The following KAT2B variants were observed in gnomAD, a reference collection of about 807,000 sequenced individuals.
KAT2B encodes the protein lysine acetyltransferase 2B, also known as histone acetyltransferase KAT2B.
Under a neutral mutation model 105.9 loss-of-function variants are expected in KAT2B, and 36 were observed. The observed-to-expected ratio is 0.34, with a 90% CI of 0.26 to 0.45. The LOEUF (loss-of-function observed/expected upper bound fraction) is 0.45. Ranked by LOEUF, KAT2B falls within the 20% of genes least tolerant of loss-of-function variation. The pLI is 1.00. For synonymous variants in KAT2B, 397 were observed against 377.9 expected (o/e 1.05, Z -0.59); for missense variants, 820 against 1,021.6 (o/e 0.80, Z 2.69).
intron 6 of KAT2B, among the ~76,000 whole-genome samples, chr3:20,112,085 C>T (rs1699131886): frequency 6.6e-6 from 1 of 151,950 alleles, no homozygotes; most frequent in Admixed American, 6.6e-5. Flanking sequence ...ATTCAGCGGC[C>T]AGGAAGCTCT....
At chr3:20,061,927 C>CATAATATATAAAATATGTATTATATATT (rs1559513815) in intron 1 of KAT2B, among the ~76,000 whole-genome samples, 1 of 96,130 alleles carries the variant, frequency 1.0e-5, no homozygotes, top group African/African-American at 4.0e-5. Context: ...TATTATATAT[C>CATAATATATAAAATATGTATTATATATT]ATATATAAAA....
chr3:20,154,157 T>A lies in KAT2B; in HGVS notation c.*1632T>A, dbSNP rs775264860. ...CAGCTGGTATCCTGTGAAAGTTTGT[T>A]ATTTTCTGAGTAGACATTCTTATAG... On this transcript the variant is annotated 3_prime_UTR_variant, in exon 18 of 18. Coordinates refer to ENST00000263754, the MANE Select transcript of KAT2B (RefSeq NM_003884.5). The A allele has an allele frequency of 3.9e-5, 6 of 152,636 alleles. No individual in the cohort carries two copies. The highest frequency in any genetic ancestry group is 7.3e-5 in the Non-Finnish European group (5 of 68,034). The allele number at this position is 152,636 out of a possible 1,614,324, so 9.5% of individuals were successfully genotyped here. A position where few individuals can be genotyped will look rare whatever the true frequency, so the allele number is the denominator to read the frequency against.
rs1699897330 is a variant in KAT2B, at chr3:20,153,145, C to CTA, written c.*620_*621insTA. On this transcript the variant is annotated 3_prime_UTR_variant, in exon 18 of 18. Coordinates refer to ENST00000263754, the MANE Select transcript of KAT2B (RefSeq NM_003884.5). Reference sequence around the variant, plus strand: ...CCTAAGGAAGAAATTCTAAATAATGCAAACTTTTAAAATAAGCATCTAGGT... The same window carrying CTA: ...CCTAAGGAAGAAATTCTAAATAATGCTAAAACTTTTAAAATAAGCATCTAGGT... The CTA allele has an allele frequency of 6.6e-6, 1 of 152,470 alleles. No individual in the cohort carries two copies. Among genetic ancestry groups the CTA allele is most frequent in the African/African-American group, 2.4e-5 (1 of 41,420 alleles). The allele number at this position is 152,470 out of a possible 1,614,324, so 9.4% of individuals were successfully genotyped here. A position where few individuals can be genotyped will look rare whatever the true frequency, so the allele number is the denominator to read the frequency against.
rs1468478421 is a variant in KAT2B at position 20,072,389 on chromosome 3, C to T, written c.360C>T (p.Pro120=). ...GWKNPNPSPT[P]PRADLQQIIV... The stretch of plus-strand genomic sequence containing the variant: ...AAAACCCTAACCCCTCACCCACTCC[C>T]CCCAGAGCCGACCTGCAGCAAATAA... The change falls in exon 2 of 18, where the codon CCC becomes CCT. Residue 120 remains proline (P), a synonymous_variant. Transcript: ENST00000263754. The T allele has an allele frequency of 5.0e-6, 8 of 1,613,328 alleles. No homozygotes were observed. The highest frequency in any genetic ancestry group is 6.8e-6 in the Non-Finnish European group (8 of 1,179,300).
intron 1 of KAT2B, among the ~76,000 whole-genome samples, chr3:20,069,000 C>T (rs1698272581): frequency 6.6e-6 from 1 of 152,178 alleles, no homozygotes; most frequent in Non-Finnish European, 1.5e-5. Flanking sequence ...TCTGACTCTA[C>T]AAAATCTTAG....
intron 7 of KAT2B, among the ~76,000 whole-genome samples, chr3:20,117,054 G>A (rs905329265): frequency 6.6e-6 from 1 of 152,104 alleles, no homozygotes; most frequent in Non-Finnish European, 1.5e-5. Context: ...GATCAACATA[G>A]TTCTCCTGTG....
chr3:20,146,236 A>G (rs1210289271), intron 13 of KAT2B, 80 bp from the exon 14 acceptor site: 1 of 800,612 alleles, frequency 1.2e-6, no homozygotes, highest in Non-Finnish European at 2.1e-6. Flanking sequence ...TTGTTAGGAA[A>G]ACATTTCATT....
intron 8 of KAT2B, among the ~76,000 whole-genome samples, chr3:20,119,961 T>C (rs953322824): frequency 6.6e-6 from 1 of 152,234 alleles, no homozygotes; most frequent in African/African-American, 2.4e-5. Flanking sequence ...AGTTGGCTGA[T>C]TTCAGCTAGT....
chr3:20,087,783 A>T (rs1698647005), intron 2 of KAT2B, among the ~76,000 whole-genome samples: 1 of 151,950 alleles, frequency 6.6e-6, no homozygotes, highest in Non-Finnish European at 1.5e-5. Context: ...GGCTTATTTC[A>T]CTTAGCCTTA....
At chr3:20,071,869 T>C (rs1351601547) in intron 1 of KAT2B, among the ~76,000 whole-genome samples, 2 of 152,224 alleles carry the variant, frequency 1.3e-5, no homozygotes, top group African/African-American at 4.8e-5. Context: ...GATTGCTAAC[T>C]TCTTCGGTTC....
intron 1 of KAT2B, among the ~76,000 whole-genome samples, chr3:20,070,804 G>T (rs1287140105): frequency 6.6e-6 from 1 of 150,966 alleles, no homozygotes; most frequent in African/African-American, 2.4e-5. Flanking sequence ...AGGTCAGGAG[G>T]TCGAGACCAG....
intron 2 of KAT2B, among the ~76,000 whole-genome samples, chr3:20,090,843 A>C (rs1039481628): frequency 6.6e-5 from 10 of 152,102 alleles, no homozygotes; most frequent in African/African-American, 2.2e-4. Flanking sequence ...GGGTTCAAGC[A>C]ATCCTCCAAC....
chr3:20,146,678 T>C, intron 14 of KAT2B: 2 of 317,804 alleles, frequency 6.3e-6, no homozygotes, highest in South Asian at 1.1e-4. Flanking sequence ...TTAATGAGTC[T>C]GCCATTTGTA....
At chr3:20,143,226 C>T (rs1000740381) in intron 13 of KAT2B, among the ~76,000 whole-genome samples, 1 of 152,110 alleles carries the variant, frequency 6.6e-6, no homozygotes, top group Non-Finnish European at 1.5e-5. Context: ...TTGATTTTAT[C>T]GTCATGGTAG....
intron 1 of KAT2B, among the ~76,000 whole-genome samples, chr3:20,063,039 A>G (rs923712189): frequency 3.3e-5 from 5 of 151,526 alleles, no homozygotes; most frequent in Non-Finnish European, 7.4e-5. Flanking sequence ...TCCTAATTCC[A>G]GTTTATCTGT....
rs183012523 is a variant in KAT2B, at chr3:20,151,618, C to A, written c.2306-714C>A. On this transcript the variant is annotated intron_variant, in intron 17 of 17. Coordinates refer to ENST00000263754, the MANE Select transcript of KAT2B (RefSeq NM_003884.5). ...TCCTGACAGTGAGGATTGAAGAAAC[C>A]CTACTTTAGTTTTATCAGTTTAGAT... 2.9e-3 allele frequency among the ~76,000 whole-genome samples: 438 copies of A among 152,116 alleles called. 1 individual carries two copies. The highest frequency in any genetic ancestry group is 1.0e-2 in the African/African-American group (414 of 41,520).
In KAT2B at chr3:20,096,556, C is replaced by G. The variant is rs146859579; in HGVS notation, c.576+1148C>G. On this transcript the variant is annotated intron_variant, in intron 3 of 17. Transcript: ENST00000263754. The stretch of plus-strand genomic sequence containing the variant: ...ATGTTGAAAGCAAAACAAAAGCACT[C>G]AGAGCTTATGGGTAGGAAAAGTTTG... Among the ~76,000 whole-genome samples, 269 of 152,328 alleles carry G rather than the reference C, an allele frequency of 1.8e-3. 3 individuals carry two copies. Among genetic ancestry groups the G allele is most frequent in the African/African-American group, 6.3e-3 (261 of 41,582 alleles).
At chr3:20,040,895 C>T (rs1697704943) in intron 1 of KAT2B, 115 bp downstream of exon 1, 2 of 1,267,326 alleles carry the variant, frequency 1.6e-6, no homozygotes, top group Non-Finnish European at 2.1e-6. Context: ...CGCCTCCCGC[C>T]TGGGGCCGCT....
At chr3:20,064,183 C>T (rs1291273153) in intron 1 of KAT2B, among the ~76,000 whole-genome samples, 1 of 152,028 alleles carries the variant, frequency 6.6e-6, no homozygotes, top group Non-Finnish European at 1.5e-5. Context: ...TTATTGTCAG[C>T]TCCTTTTGAA....
Sources: gnomAD v4.1 joint callset for allele counts (sites outside exome capture counted in the v4.1 genomes callset) on GRCh38, gnomAD v4.1.1 for gene constraint, MANE v1.5 for transcripts, NCBI Gene and HGNC (gene_info 2026-07-23, HGNC 2026-07-21) for gene names.